The following CDK6 variants were observed in gnomAD, a reference collection of about 807,000 sequenced individuals.
CDK6 encodes cyclin dependent kinase 6, also known as cyclin-dependent kinase 6.
In CDK6, 6 loss-of-function variants were observed where a neutral mutation model predicts 37.1. The observed-to-expected ratio is 0.16, with a 90% confidence interval of 0.09 to 0.32. The LOEUF is 0.32. CDK6 is among the 10% of genes least tolerant of loss of function. The pLI is 1.00. For synonymous variants in CDK6, 160 were observed against 161.3 expected, an observed-to-expected ratio of 0.99 and a Z score of 0.06; for missense variants, 224 against 418.9, an observed-to-expected ratio of 0.53 and a Z score of 4.06.
chr7:92,801,742 C>G (rs1036078448), intron 2 of CDK6, among the ~76,000 whole-genome samples: 1 of 152,080 alleles, frequency 6.6e-6, no homozygotes. Context: ...CCACCTCAGC[C>G]TCCTGAGTAG....
In CDK6 at chr7:92,779,170, C is replaced by T. The variant is rs115247179; in HGVS notation, c.234-4339G>A. On this transcript the variant is annotated intron_variant, in intron 2 of 7. Transcript: ENST00000424848. ...CAATTTAAAAATAACATCTAACCCA[C>T]CCAAGTTGCTTTCCTCAGAGTTATA... Among the ~76,000 whole-genome samples, 1,357 of 152,170 alleles carry T rather than the reference C, an allele frequency of 8.9e-3. 22 individuals carry two copies. The highest frequency in any genetic ancestry group is 0.03 in the African/African-American group (1,231 of 41,490).
intron 2 of CDK6, among the ~76,000 whole-genome samples, chr7:92,778,889 T>C (rs1361950772): frequency 7.0e-6 from 1 of 143,862 alleles, no homozygotes; most frequent in East Asian, 2.0e-4. Context: ...ATAGTAATTT[T>C]AGTAACTCCA....
At chr7:92,707,166 A>G (rs1258237759) in intron 4 of CDK6, among the ~76,000 whole-genome samples, 5 of 152,212 alleles carry the variant, frequency 3.3e-5, no homozygotes, top group Non-Finnish European at 7.3e-5. Context: ...TATTACTATT[A>G]CATAATTTAA....
At chr7:92,810,811 G>T (rs996181461) in intron 2 of CDK6, among the ~76,000 whole-genome samples, 7 of 152,118 alleles carry the variant, frequency 4.6e-5, no homozygotes, top group African/African-American at 1.7e-4. Context: ...AGTGGCTCAC[G>T]CCTGTAATCC....
intron 2 of CDK6, among the ~76,000 whole-genome samples, chr7:92,790,973 GT>G (rs1395636326): frequency 1.3e-5 from 2 of 152,098 alleles, no homozygotes; most frequent in African/African-American, 4.8e-5. Context: ...ATTTTTTATG[GT>G]TTTCAAAGAG....
intron 3 of CDK6, among the ~76,000 whole-genome samples, chr7:92,755,686 G>A (rs1480962757): frequency 6.6e-6 from 1 of 152,162 alleles, no homozygotes; most frequent in African/African-American, 2.4e-5. Flanking sequence ...AATCTCCAAA[G>A]TGCATTAGAT....
intron 2 of CDK6, among the ~76,000 whole-genome samples, chr7:92,785,277 C>T (rs1044564632): frequency 6.6e-6 from 1 of 152,120 alleles, no homozygotes; most frequent in African/African-American, 2.4e-5. Context: ...AGAAAGAAGC[C>T]AGTCACAAAA....
chr7:92,636,547 T>C (rs917286768), intron 5 of CDK6, among the ~76,000 whole-genome samples: 1 of 152,026 alleles, frequency 6.6e-6, no homozygotes, highest in Non-Finnish European at 1.5e-5. Flanking sequence ...AAGAGAAAAA[T>C]ATCACCGGCA....
chr7:92,618,669 A>G lies in CDK6; in HGVS notation c.699-462T>C, dbSNP rs1478547467. Among the ~76,000 whole-genome samples, 4 of 152,202 alleles carry G rather than the reference A, an allele frequency of 2.6e-5. No homozygotes were observed. In the East Asian group the frequency reaches 5.8e-4, roughly 22 times the overall value. ...TGCTCATCCAACATGGTTTATTAAC[A>G]TATCAATTTGGTTGCATTTTTGGTT... On this transcript the variant is annotated intron_variant, in intron 6 of 7. Transcript: ENST00000424848.
Position 92,611,748 on chromosome 7 carries a change from T to G in CDK6, c.*3392A>C, listed in dbSNP as rs912189430. The G allele has an allele frequency of 4.3e-6, 1 of 230,314 alleles. No individual in the cohort carries two copies. Among genetic ancestry groups the G allele is most frequent in the East Asian group, 6.2e-5 (1 of 16,070 alleles). The allele number at this position is 230,314 out of a possible 1,614,324, so 14.3% of individuals were successfully genotyped here. On this transcript the variant is annotated 3_prime_UTR_variant, in exon 8 of 8. Transcript: ENST00000424848. ...CTTTATTTAAGATAGGAACATCTCATGCCTTCTAAAGCTTTCATTTTTATT... is the reference window on the plus strand; with the variant it reads ...CTTTATTTAAGATAGGAACATCTCAGGCCTTCTAAAGCTTTCATTTTTATT...
intron 2 of CDK6, among the ~76,000 whole-genome samples, chr7:92,826,019 C>T (rs1036837376): frequency 6.6e-6 from 1 of 152,110 alleles, no homozygotes; most frequent in Non-Finnish European, 1.5e-5. Context: ...TAAGTGTAAT[C>T]CAATATGCAG....
chr7:92,741,003 C>T (rs978827309), intron 3 of CDK6, among the ~76,000 whole-genome samples: 1 of 152,140 alleles, frequency 6.6e-6, no homozygotes, highest in Admixed American at 6.5e-5. Flanking sequence ...GGCTACAAAA[C>T]CAACAAGTTT....
chr7:92,833,457 G>A lies in CDK6; in HGVS notation c.-134C>T, dbSNP rs1801550500. ...GCTTTACTTGCTCCCCGCCGGCTCA[G>A]GCGCTCGGGCGCTGGGGCTTTCGCC... On this transcript the variant is annotated 5_prime_UTR_variant, in exon 2 of 8. Coordinates refer to ENST00000424848, the MANE Select transcript of CDK6 (RefSeq NM_001145306.2). This position sits in a 1 kb window ranked among gnomAD's most constrained non-coding sequence, Gnocchi z 6.1. The A allele has an allele frequency of 1.6e-5, 10 of 620,232 alleles. No individual in the cohort carries two copies. Among genetic ancestry groups the A allele is most frequent in the Non-Finnish European group, 1.9e-5 (7 of 372,186 alleles). 38.4% of individuals were successfully genotyped at this position (620,232 alleles called of 1,614,324 possible).
chr7:92,641,220 TTGA>T (rs1305752792), intron 5 of CDK6, among the ~76,000 whole-genome samples: 3 of 152,200 alleles, frequency 2.0e-5, no homozygotes, highest in Non-Finnish European at 4.4e-5. Flanking sequence ...CGTAAATCTC[TTGA>T]TGAAATTTCC....
chr7:92,719,490 A>G (rs1175661686), intron 4 of CDK6, among the ~76,000 whole-genome samples: 3 of 152,192 alleles, frequency 2.0e-5, no homozygotes, highest in Non-Finnish European at 2.9e-5. Flanking sequence ...TGTTTTCAGA[A>G]CATGTATATC....
intron 4 of CDK6, among the ~76,000 whole-genome samples, chr7:92,695,304 A>AAGAC: frequency 6.6e-6 from 1 of 151,324 alleles, no homozygotes; most frequent in African/African-American, 2.5e-5. Flanking sequence ...GAAAGAAAGA[A>AAGAC]AAAAACCAAC....
In CDK6 at chr7:92,633,839, G is replaced by A. The variant is rs931084867; in HGVS notation, c.648-10753C>T. ...CTGAACTGTATTATGAGTATAAAATGATTTAGCACTGTGATATGTACACAG... is the reference window on the plus strand; with the variant it reads ...CTGAACTGTATTATGAGTATAAAATAATTTAGCACTGTGATATGTACACAG... On this transcript the variant is annotated intron_variant, in intron 5 of 7. Transcript: ENST00000424848. Among the ~76,000 whole-genome samples, 56 of 152,102 alleles carry A rather than the reference G, an allele frequency of 3.7e-4. 1 individual carries two copies. The highest frequency in any genetic ancestry group is 1.0e-4 in the Non-Finnish European group (7 of 68,008).
At chr7:92,639,629 T>C (rs1042760497) in intron 5 of CDK6, among the ~76,000 whole-genome samples, 1 of 152,182 alleles carries the variant, frequency 6.6e-6, no homozygotes, top group Non-Finnish European at 1.5e-5. Flanking sequence ...ATTTCCTTTG[T>C]CTCCCCTTCC....
At chr7:92,778,145 A>G (rs1042741134) in intron 2 of CDK6, among the ~76,000 whole-genome samples, 1 of 151,952 alleles carries the variant, frequency 6.6e-6, no homozygotes, top group Non-Finnish European at 1.5e-5. Flanking sequence ...AAACCCCACC[A>G]CTGTAATTAG....
Sources: gnomAD v4.1 joint callset for allele counts (sites outside exome capture counted in the v4.1 genomes callset) on GRCh38, gnomAD v4.1.1 for gene constraint, Gnocchi (gnomAD v3.1) non-coding constraint, MANE v1.5 for transcripts, NCBI Gene and HGNC (gene_info 2026-07-23, HGNC 2026-07-21) for gene names.